The following MYO18A variants were observed in gnomAD, a reference collection of about 807,000 sequenced individuals.
The protein encoded by MYO18A is myosin XVIIIA, also known as unconventional myosin-XVIIIa.
Under a neutral mutation model 235.8 loss-of-function variants are expected in MYO18A, and 78 were observed. That is an observed-to-expected ratio of 0.33 (90% confidence interval 0.28 to 0.40). The LOEUF is 0.40. Ranked by LOEUF, MYO18A falls within the 10% of genes least tolerant of loss-of-function variation. The pLI is 1.00. For synonymous variants in MYO18A, 977 were observed against 1,077.8 expected (o/e 0.91, Z 1.83); for missense variants, 2,215 against 2,699.3 (o/e 0.82, Z 3.98).
In MYO18A at chr17:29,128,183, G is replaced by T. The variant is rs538162459; in HGVS notation, c.1000-5930C>A. The T allele has an allele frequency of 7.8e-6, 9 of 1,151,034 alleles. No individual in the cohort carries two copies. The South Asian group carries it at 1.5e-4, about 19-fold the overall frequency. 71.3% of individuals were successfully genotyped at this position (1,151,034 alleles called of 1,614,324 possible). On this transcript the variant is annotated intron_variant, in intron 2 of 41. Coordinates refer to ENST00000527372, the MANE Select transcript of MYO18A (RefSeq NM_078471.4). ...CTCCTTCTTCACTTCAGGCTTAGGC[G>T]GAGCAGGGGGAGGTGGGGGAGGGGG...
intron 41 of MYO18A, chr17:29,080,913 G>A: frequency 1.0e-6 from 1 of 985,436 alleles, no homozygotes; most frequent in Non-Finnish European, 1.2e-6. Flanking sequence ...CCCCGATGGA[G>A]TCCTTTAGGG....
intron 1 of MYO18A, among the ~76,000 whole-genome samples, chr17:29,175,180 T>C (rs1039115640): frequency 1.3e-5 from 2 of 152,080 alleles, no homozygotes; most frequent in Non-Finnish European, 2.9e-5. Flanking sequence ...GATCTTGAAC[T>C]CCTGGCTTCA....
intron 27 of MYO18A, 78 bp from the exon 28 acceptor site, chr17:29,096,993 A>G (rs879367231): frequency 1.3e-5 from 19 of 1,453,450 alleles, no homozygotes; most frequent in Middle Eastern, 4.0e-4. Flanking sequence ...GAAGTGGGTG[A>G]GTGAGGGGAA....
At chr17:29,133,069 T>C (rs1367132992) in intron 2 of MYO18A, among the ~76,000 whole-genome samples, 2 of 152,240 alleles carry the variant, frequency 1.3e-5, no homozygotes, top group Non-Finnish European at 2.9e-5. Context: ...AAGTCCACTC[T>C]GTGTTCTTCA....
chr17:29,160,175 A>C (rs2068143218), intron 2 of MYO18A, among the ~76,000 whole-genome samples: 1 of 152,348 alleles, frequency 6.6e-6, no homozygotes, highest in South Asian at 2.1e-4. Context: ...CTTGCCTAAC[A>C]TAAACATGCT....
chr17:29,086,382 A>T (rs767092452), intron 39 of MYO18A, 56 bp downstream of exon 39: 47 of 1,548,080 alleles, frequency 3.0e-5, no homozygotes, highest in Non-Finnish European at 3.9e-5. Context: ...CTGGTTCCAG[A>T]GGTGGTCAAG....
chr17:29,115,338 G>C lies in MYO18A; in HGVS notation c.2318+13C>G. The C allele has an allele frequency of 6.2e-7, 1 of 1,613,512 alleles. No homozygotes were observed. The highest frequency in any genetic ancestry group is 1.6e-4 in the Middle Eastern group (1 of 6,062). On this transcript the variant is annotated intron_variant, in intron 13 of 41. Coordinates refer to ENST00000527372, the MANE Select transcript of MYO18A (RefSeq NM_078471.4). ...CAAAGCAGGAAAAGCCCTGGGTCCT[G>C]CCTGGCACTCACCTATTCACCAGGG...
At chr17:29,132,464 A>C (rs948952665) in intron 2 of MYO18A, among the ~76,000 whole-genome samples, 2 of 152,194 alleles carry the variant, frequency 1.3e-5, no homozygotes, top group Admixed American at 1.3e-4. Flanking sequence ...CCCTGTTACC[A>C]ACCCTACCTC....
chr17:29,121,918 C>T lies in MYO18A; in HGVS notation c.1127G>A (p.Gly376Glu), dbSNP rs778337787. 2 of 1,613,952 alleles carry T rather than the reference C, an allele frequency of 1.2e-6. No homozygotes were observed. The highest frequency in any genetic ancestry group is 1.7e-6 in the Non-Finnish European group (2 of 1,179,878). ...LKSEELNLPE[G>E]KVRVKLDHDG... Reference sequence around the variant, plus strand: ...GTGGTCCAGCTTCACACGCACCTTCCCCTCAGGCAAGTTGAGCTCCTCAGA... The same window carrying T: ...GTGGTCCAGCTTCACACGCACCTTCTCCTCAGGCAAGTTGAGCTCCTCAGA... Residue 376 changes from glycine (G) to glutamate (E), a missense_variant, in exon 4 of 42, where the codon GGG becomes GAG. Transcript: ENST00000527372. This position sits in a 1 kb window ranked among gnomAD's most constrained non-coding sequence, Gnocchi z 4.2.
intron 23 of MYO18A, 64 bp downstream of exon 23, chr17:29,098,761 GC>G (rs1039096490): frequency 1.1e-5 from 17 of 1,589,498 alleles, no homozygotes; most frequent in Non-Finnish European, 1.5e-5. Context: ...GCGCCTGGAA[GC>G]CCAAGATAAA....
intron 2 of MYO18A, among the ~76,000 whole-genome samples, chr17:29,138,460 T>G (rs373968820): frequency 6.6e-6 from 1 of 152,078 alleles, no homozygotes; most frequent in Non-Finnish European, 1.5e-5. Context: ...GACTTCTTCC[T>G]CCCAGTCCCA....
At position 29,093,304 on chromosome 17, in the gene MYO18A, G is replaced by A; in HGVS notation, c.4926+19C>T. 1 of 1,600,500 alleles carries A rather than the reference G, an allele frequency of 6.2e-7. No homozygotes were observed. The highest frequency in any genetic ancestry group is 8.5e-7 in the Non-Finnish European group (1 of 1,172,436). ...GGGCAGGGAGCCGGCCAGGCTTGGT[G>A]GGTGGAGCATCCCCTGACCTGGTCG... On this transcript the variant is annotated intron_variant, in intron 32 of 41. Coordinates refer to ENST00000527372, the MANE Select transcript of MYO18A (RefSeq NM_078471.4).
intron 2 of MYO18A, chr17:29,131,336 C>T: frequency 1.0e-6 from 1 of 954,060 alleles, no homozygotes; most frequent in Non-Finnish European, 1.2e-6. Flanking sequence ...CACACACATG[C>T]CCGCACACAC....
intron 41 of MYO18A, chr17:29,080,923 G>A: frequency 1.0e-6 from 1 of 985,470 alleles, no homozygotes; most frequent in Non-Finnish European, 1.2e-6. Flanking sequence ...GTCCTTTAGG[G>A]TGAGCCGCTT....
At chr17:29,171,666 G>A (rs1299225540) in intron 1 of MYO18A, among the ~76,000 whole-genome samples, 1 of 151,940 alleles carries the variant, frequency 6.6e-6, no homozygotes, top group Non-Finnish European at 1.5e-5. Flanking sequence ...AGGCCGAGAC[G>A]GGCAGATCGC....
rs1373106398 is a variant in MYO18A, at chr17:29,140,875, A to T, written c.1000-18622T>A. 2.0e-5 allele frequency among the ~76,000 whole-genome samples: 3 copies of T among 152,196 alleles called. No individual in the cohort carries two copies. Among genetic ancestry groups the T allele is most frequent in the Non-Finnish European group, 4.4e-5 (3 of 68,034 alleles). ...GTGTTCTTGAGAACACCCAAATCAT[A>T]GGCCTACCCTAGCCATCTAATTACT... On this transcript the variant is annotated intron_variant, in intron 2 of 41. Transcript: ENST00000527372. The surrounding 1 kb of genome is among the most constrained non-coding windows in gnomAD (Gnocchi z 4.2).
intron 2 of MYO18A, among the ~76,000 whole-genome samples, chr17:29,147,989 G>C (rs1170919953): frequency 1.3e-5 from 2 of 151,912 alleles, no homozygotes; most frequent in African/African-American, 2.4e-5. Context: ...GGGAAGAGAG[G>C]GTGACTCAAG....
At chr17:29,127,541 G>T (rs777585838) in intron 2 of MYO18A, among the ~76,000 whole-genome samples, 1 of 152,186 alleles carries the variant, frequency 6.6e-6, no homozygotes, top group Non-Finnish European at 1.5e-5. Flanking sequence ...TCTGATCCTC[G>T]GGTTTGGGTC....
chr17:29,083,463 A>G (rs1434242281), intron 40 of MYO18A, among the ~76,000 whole-genome samples: 1 of 149,982 alleles, frequency 6.7e-6, no homozygotes, highest in African/African-American at 2.5e-5. Flanking sequence ...CTCTGTGTCA[A>G]GAGGAATGGC....
Sources: allele counts gnomAD v4.1 joint callset (sites outside exome capture counted in the v4.1 genomes callset), GRCh38; gene constraint gnomAD v4.1.1; non-coding constraint Gnocchi (gnomAD v3.1); transcripts MANE v1.5; gene names NCBI Gene and HGNC (gene_info 2026-07-23, HGNC 2026-07-21).